PIP4P2: variants seen among roughly 807,000 people sequenced by gnomAD.
The protein encoded by PIP4P2 is phosphatidylinositol-4,5-bisphosphate 4-phosphatase 2, also known as type 2 phosphatidylinositol 4,5-bisphosphate 4-phosphatase.
Under a neutral mutation model 33.3 loss-of-function variants are expected in PIP4P2, and 19 were observed. The ratio of observed to expected loss-of-function variants is 0.57; its 90% CI spans 0.40 to 0.84. The LOEUF is 0.84. Among genes scored for constraint, PIP4P2 ranks in the 40% least tolerant of loss-of-function variants. The probability of loss-of-function intolerance (pLI) is 0.00; values close to 1 mark genes in which losing one functional copy is unlikely to be tolerated. For synonymous variants in PIP4P2, 110 were observed against 111.9 expected (o/e 0.98, Z 0.11); for missense variants, 270 against 324.7 (o/e 0.83, Z 1.29).
rs545557708 is a variant in PIP4P2, at chr8:91,020,511, C to T, written c.256-248G>A. ...CTTTTCTAAAGAGAAAAAAATAAAA[C>T]ATCAAAGATAAAATTAATATTTAAT... On this transcript the variant is annotated intron_variant, in intron 2 of 6. Coordinates refer to ENST00000285419, the MANE Select transcript of PIP4P2 (RefSeq NM_018710.3). Among the ~76,000 whole-genome samples the T allele has an allele frequency of 5.9e-5, 9 of 152,060 alleles. No homozygotes were observed. In the South Asian group the frequency reaches 1.9e-3, roughly 32 times the overall value.
At chr8:91,025,860 C>A (rs1191753569) in intron 1 of PIP4P2, among the ~76,000 whole-genome samples, 1 of 152,148 alleles carries the variant, frequency 6.6e-6, no homozygotes, top group African/African-American at 2.4e-5. Context: ...CTTTTAGTGT[C>A]ACACTTCTCC....
rs186122526 is a variant in PIP4P2, at chr8:91,026,644, T to G, written c.107-5240A>C. On this transcript the variant is annotated intron_variant, in intron 1 of 6. Transcript: ENST00000285419. Reference sequence around the variant, plus strand: ...AGTAACTTTATACTTGGTTAATGATTCTTTATATTAAACTCCATTTTGTGG... The same window carrying G: ...AGTAACTTTATACTTGGTTAATGATGCTTTATATTAAACTCCATTTTGTGG... 5.9e-5 allele frequency among the ~76,000 whole-genome samples: 9 copies of G among 152,320 alleles called. No individual in the cohort carries two copies. The East Asian group carries it at 1.7e-3, about 29-fold the overall frequency.
rs1443969622 is a variant in PIP4P2 at position 91,021,255 on chromosome 8, C to A, written c.255+1G>T. 6.2e-7 allele frequency: 1 copy of A among 1,613,366 alleles called. No homozygotes were observed. Among genetic ancestry groups the A allele is most frequent in the Non-Finnish European group, 8.5e-7 (1 of 1,179,538 alleles). ...TTTTTCTAATGGAAATCTCCACTTA[C>A]CGTAGCTTCATTGCAAACTGTGCAC... On this transcript the variant is annotated splice_donor_variant, in intron 2 of 6. Transcript: ENST00000285419. LOFTEE classifies it high-confidence loss of function.
chr8:91,033,187 A>G (rs1390030592), intron 1 of PIP4P2, among the ~76,000 whole-genome samples: 1 of 152,236 alleles, frequency 6.6e-6, no homozygotes, highest in Non-Finnish European at 1.5e-5. Flanking sequence ...CTCAGACCTC[A>G]GATTTGTACA....
intron 4 of PIP4P2, 119 bp from the exon 5 acceptor site, chr8:91,008,914 C>T: frequency 1.3e-6 from 1 of 752,058 alleles, no homozygotes; most frequent in Non-Finnish European, 2.1e-6. Context: ...ATCACCTTCT[C>T]ACGGTTACAT....
At position 91,021,444 on chromosome 8, in the gene PIP4P2, A is replaced by G. The variant is rs763015017; in HGVS notation, c.107-40T>C. On this transcript the variant is annotated intron_variant, in intron 1 of 6. Coordinates refer to ENST00000285419, the MANE Select transcript of PIP4P2 (RefSeq NM_018710.3). Reference sequence around the variant, plus strand: ...GTCACTGAATCAGAGTCTTGGAGAAATTACTATGGCTGGTTTGAGTATAGA... The same window carrying G: ...GTCACTGAATCAGAGTCTTGGAGAAGTTACTATGGCTGGTTTGAGTATAGA... The G allele has an allele frequency of 3.7e-6, 6 of 1,604,046 alleles. No individual in the cohort carries two copies. In the South Asian group the frequency reaches 6.7e-5, roughly 18 times the overall value.
At chr8:91,005,347 C>A (rs530852423) in intron 5 of PIP4P2, among the ~76,000 whole-genome samples, 10 of 152,220 alleles carry the variant, frequency 6.6e-5, no homozygotes, top group African/African-American at 2.4e-4. Flanking sequence ...ACAGGTAGCT[C>A]CTTCTACAGT....
chr8:91,015,965 T>C (rs1043607629), intron 4 of PIP4P2, among the ~76,000 whole-genome samples: 2 of 152,222 alleles, frequency 1.3e-5, no homozygotes, highest in Admixed American at 1.3e-4. Context: ...GGCAAATATT[T>C]AGGCTAAATT....
In PIP4P2 at chr8:90,994,622, T is replaced by A. The variant is rs1407312731; in HGVS notation, c.*1055A>T. 6.6e-6 allele frequency: 1 copy of A among 152,536 alleles called. No individual in the cohort carries two copies. The highest frequency in any genetic ancestry group is 2.4e-5 in the African/African-American group (1 of 41,464). The allele number at this position is 152,536 out of a possible 1,614,324, so 9.4% of individuals were successfully genotyped here. On this transcript the variant is annotated 3_prime_UTR_variant, in exon 7 of 7. Transcript: ENST00000285419. Reference sequence around the variant, plus strand: ...TCTTAGAAAATTATGTTGTTCTTTATTTCTGATCTATTTTCTTGAATAATT... The same window carrying A: ...TCTTAGAAAATTATGTTGTTCTTTAATTCTGATCTATTTTCTTGAATAATT...
rs1563566095 is a variant in PIP4P2, at chr8:91,019,422, AAAT to A, written c.362+732_362+734del. 1.5e-3 allele frequency among the ~76,000 whole-genome samples: 91 copies of A among 62,696 alleles called. 8 individuals are homozygous for A. Among genetic ancestry groups the A allele is most frequent in the African/African-American group, 2.0e-3 (56 of 28,002 alleles). The allele number at this position is 62,696 out of a possible 152,430, so 41.1% of individuals were successfully genotyped here. On this transcript the variant is annotated intron_variant, in intron 3 of 6. Transcript: ENST00000285419. ...AAAAAAAAAAAAAAAAAAAAAAAAAAAATATATTACCTGGGAGTGGTGGTGTGT... is the reference window on the plus strand; with the variant it reads ...AAAAAAAAAAAAAAAAAAAAAAAAAAATATTACCTGGGAGTGGTGGTGTGT...
At chr8:91,028,836 G>A (rs1233629568) in intron 1 of PIP4P2, among the ~76,000 whole-genome samples, 1 of 152,194 alleles carries the variant, frequency 6.6e-6, no homozygotes, top group African/African-American at 2.4e-5. Flanking sequence ...CTGAAGTGAT[G>A]TGATAAGGCC....
At chr8:91,040,113 A>T (rs1179935096) in intron 1 of PIP4P2, among the ~76,000 whole-genome samples, 1 of 152,188 alleles carries the variant, frequency 6.6e-6, no homozygotes, top group Admixed American at 6.5e-5. Flanking sequence ...AACTGTATTC[A>T]TTTTGGATAT....
At chr8:91,038,880 T>C (rs1039539533) in intron 1 of PIP4P2, among the ~76,000 whole-genome samples, 6 of 152,160 alleles carry the variant, frequency 3.9e-5, no homozygotes, top group Admixed American at 2.6e-4. Flanking sequence ...GCTAAGTCAT[T>C]GAATTTCTCT....
At chr8:91,012,863 A>G (rs1310526922) in intron 4 of PIP4P2, among the ~76,000 whole-genome samples, 2 of 152,188 alleles carry the variant, frequency 1.3e-5, no homozygotes, top group Admixed American at 6.5e-5. Flanking sequence ...AATAGAAACC[A>G]TGGCACATAC....
intron 1 of PIP4P2, among the ~76,000 whole-genome samples, chr8:91,031,564 A>G (rs984951292): frequency 6.6e-6 from 1 of 152,226 alleles, no homozygotes; most frequent in Admixed American, 6.5e-5. Flanking sequence ...AAATATCTCA[A>G]TATGAGAGGA....
Position 91,040,678 on chromosome 8 carries a change from G to A in PIP4P2, c.72C>T (p.Thr24=), listed in dbSNP as rs781316512. The A allele has an allele frequency of 4.3e-6, 7 of 1,613,582 alleles. 1 individual carries two copies. In the South Asian group the frequency reaches 7.7e-5, roughly 18 times the overall value. Reference sequence around the variant, plus strand: ...TGCTTTCTTGCAAGTACGGTGGGGCGGTGGGAGTGACATTTCCGGAGTGGG... The same window carrying A: ...TGCTTTCTTGCAAGTACGGTGGGGCAGTGGGAGTGACATTTCCGGAGTGGG... ...SASHSGNVTP[T]APPYLQESSP... is the part of the protein sequence containing the mutation. The change falls in exon 1 of 7, where the codon ACC becomes ACT. Residue 24 remains threonine, a synonymous_variant. Transcript: ENST00000285419.
At chr8:91,029,499 T>G (rs1044659207) in intron 1 of PIP4P2, among the ~76,000 whole-genome samples, 9 of 152,126 alleles carry the variant, frequency 5.9e-5, no homozygotes, top group Admixed American at 5.9e-4. Flanking sequence ...CCTGTAAAAC[T>G]TTCAGTTCCT....
Position 90,994,413 on chromosome 8 carries a change from C to T in PIP4P2, c.*1264G>A, listed in dbSNP as rs1811601449. The T allele has an allele frequency of 6.6e-6, 1 of 152,060 alleles. No homozygotes were observed. The allele number at this position is 152,060 out of a possible 1,614,324, so 9.4% of individuals were successfully genotyped here. On this transcript the variant is annotated 3_prime_UTR_variant, in exon 7 of 7. Transcript: ENST00000285419. The stretch of plus-strand genomic sequence containing the variant: ...GTGATGAGTACGTTTTTATACTAAT[C>T]AGTATCATAAATAATTTAAAATATT...
intron 1 of PIP4P2, 84 bp from the exon 2 acceptor site, chr8:91,021,488 G>A (rs935327613): frequency 3.5e-6 from 5 of 1,431,372 alleles, no homozygotes; most frequent in Admixed American, 2.1e-5. Context: ...AAGTAAAGAA[G>A]AAACAATCAA....
Sources: allele counts gnomAD v4.1 joint callset (sites outside exome capture counted in the v4.1 genomes callset), GRCh38; gene constraint gnomAD v4.1.1; transcripts MANE v1.5; gene names NCBI Gene and HGNC (gene_info 2026-07-23, HGNC 2026-07-21).